The following KCNH5 variants were observed in gnomAD, a reference collection of about 807,000 sequenced individuals.
KCNH5 encodes the protein potassium voltage-gated channel subfamily H member 5.
In KCNH5, 46 loss-of-function variants were observed where a neutral mutation model predicts 96.1. The observed-to-expected ratio is 0.48, with a 90% CI of 0.38 to 0.61. KCNH5 has a LOEUF of 0.61. Ranked by LOEUF, KCNH5 falls within the 20% of genes least tolerant of loss-of-function variation. The pLI is 0.00. For missense variants in KCNH5, 907 were observed against 1,225.8 expected (o/e 0.74, Z 3.88); for synonymous variants, 439 against 449.8 (o/e 0.98, Z 0.30).
intron 8 of KCNH5, among the ~76,000 whole-genome samples, chr14:62,804,243 C>A (rs1482855109): frequency 6.6e-6 from 1 of 152,144 alleles, no homozygotes; most frequent in African/African-American, 2.4e-5. Context: ...GCAATCTGCT[C>A]ACCCACCTTT....
chr14:62,821,938 A>G (rs1887122989), intron 8 of KCNH5, among the ~76,000 whole-genome samples: 1 of 152,182 alleles, frequency 6.6e-6, no homozygotes, highest in Non-Finnish European at 1.5e-5. Flanking sequence ...ACCATAGACC[A>G]CAGCCTAATG....
intron 8 of KCNH5, among the ~76,000 whole-genome samples, chr14:62,819,544 T>C (rs778986238): frequency 6.6e-6 from 1 of 152,164 alleles, no homozygotes; most frequent in Non-Finnish European, 1.5e-5. Flanking sequence ...ATAGTGGTGA[T>C]TGTTGCATAA....
At chr14:62,710,426 T>C (rs869834) in intron 10 of KCNH5, among the ~76,000 whole-genome samples, 56,282 of 152,062 alleles carry the variant, frequency 0.37, 10,906 homozygotes, top group Non-Finnish European at 0.42. Context: ...ACAATTCTTA[T>C]GCTTCCCAAG....
chr14:62,803,186 A>G (rs1452438832), intron 8 of KCNH5, among the ~76,000 whole-genome samples: 1 of 152,092 alleles, frequency 6.6e-6, no homozygotes, highest in Non-Finnish European at 1.5e-5. Context: ...GTGGTCAAGA[A>G]GAGTCTCATA....
At chr14:62,934,415 T>C (rs1289546405) in intron 7 of KCNH5, among the ~76,000 whole-genome samples, 1 of 152,198 alleles carries the variant, frequency 6.6e-6, no homozygotes, top group Non-Finnish European at 1.5e-5. Context: ...CATAATCAAA[T>C]GCTGCCCATA....
chr14:62,714,250 T>C (rs1268568064), intron 10 of KCNH5, among the ~76,000 whole-genome samples: 2 of 152,152 alleles, frequency 1.3e-5, no homozygotes, highest in Admixed American at 1.3e-4. Flanking sequence ...GATCATGCCA[T>C]TGCATGTCAG....
rs149232542 is a variant in KCNH5, at chr14:62,842,731, G to A, written c.1569+6922C>T. Among the ~76,000 whole-genome samples the A allele has an allele frequency of 6.1e-4, 93 of 152,178 alleles. No individual in the cohort carries two copies. The East Asian group carries it at 0.016, about 26-fold the overall frequency. ...ACATTCTGAATCCTAATTTTTTAAG[G>A]TAGTATATGTTCTATCACCTTGGAA... is the stretch of plus-strand genomic sequence containing the variant. On this transcript the variant is annotated intron_variant, in intron 8 of 10. Coordinates refer to ENST00000322893, the MANE Select transcript of KCNH5 (RefSeq NM_139318.5).
intron 7 of KCNH5, among the ~76,000 whole-genome samples, chr14:62,865,365 G>A (rs17223580): frequency 0.11 from 16,166 of 151,122 alleles, 1,100 homozygotes; most frequent in East Asian, 0.28. Flanking sequence ...TATTCTTGCA[G>A]TTTTAGACAA....
At chr14:62,723,381 G>C (rs910837937) in intron 10 of KCNH5, among the ~76,000 whole-genome samples, 9 of 152,112 alleles carry the variant, frequency 5.9e-5, no homozygotes, top group Non-Finnish European at 1.3e-4. Flanking sequence ...GAAAGACTTA[G>C]AAATGTATAT....
chr14:62,924,294 C>A (rs1956024), intron 7 of KCNH5, among the ~76,000 whole-genome samples: 86,280 of 151,650 alleles, frequency 0.57, 25,236 homozygotes, highest in South Asian at 0.69. Context: ...TGATAGGATG[C>A]CTATTATCAA....
chr14:63,006,344 T>C (rs1297803090), intron 3 of KCNH5, 22 bp downstream of exon 3: 1 of 1,408,592 alleles, frequency 7.1e-7, no homozygotes, highest in Admixed American at 1.7e-5. Context: ...TGGCACATCT[T>C]ATTAATAATT....
chr14:62,828,294 C>T (rs1400388732), intron 8 of KCNH5, among the ~76,000 whole-genome samples: 1 of 151,958 alleles, frequency 6.6e-6, no homozygotes, highest in African/African-American at 2.4e-5. Flanking sequence ...ATTTTTATTA[C>T]CTGATTTCTT....
At chr14:62,992,881 T>C (rs1303352492) in intron 4 of KCNH5, among the ~76,000 whole-genome samples, 1 of 152,112 alleles carries the variant, frequency 6.6e-6, no homozygotes, top group Admixed American at 6.6e-5. Context: ...TGTCATGAAT[T>C]CTTTGCCTAC....
chr14:62,763,346 CA>C (rs533787941), intron 10 of KCNH5, among the ~76,000 whole-genome samples: 34 of 149,920 alleles, frequency 2.3e-4, no homozygotes, highest in African/African-American at 3.7e-4. Flanking sequence ...TTGAAAGTAA[CA>C]AAAAAAAAGA....
chr14:62,743,054 G>T (rs1056474405), intron 10 of KCNH5, among the ~76,000 whole-genome samples: 4 of 151,976 alleles, frequency 2.6e-5, no homozygotes, highest in Admixed American at 2.6e-4. Context: ...AGAGAAAATG[G>T]CTCAACTACA....
chr14:62,962,323 C>A (rs547248823), intron 6 of KCNH5, among the ~76,000 whole-genome samples: 1 of 152,254 alleles, frequency 6.6e-6, no homozygotes, highest in South Asian at 2.1e-4. Context: ...TTAATGCAGA[C>A]CCTAATCCAG....
chr14:62,717,639 A>G (rs1386943932), intron 10 of KCNH5, among the ~76,000 whole-genome samples: 1 of 152,198 alleles, frequency 6.6e-6, no homozygotes, highest in Non-Finnish European at 1.5e-5. Context: ...ACAAAATTAA[A>G]CTTATAATGG....
At chr14:62,771,359 G>A (rs1358498999) in intron 10 of KCNH5, among the ~76,000 whole-genome samples, 3 of 152,158 alleles carry the variant, frequency 2.0e-5, no homozygotes, top group Admixed American at 2.0e-4. Context: ...AGGCGCGGTG[G>A]CTCACACCTG....
intron 7 of KCNH5, among the ~76,000 whole-genome samples, chr14:62,921,149 A>G (rs1889373840): frequency 6.6e-6 from 1 of 152,090 alleles, no homozygotes; most frequent in Admixed American, 6.6e-5. Flanking sequence ...GGAAGCTGAC[A>G]TAAGTTCAGA....
Sources: gnomAD v4.1 joint callset for allele counts (sites outside exome capture counted in the v4.1 genomes callset) on GRCh38, gnomAD v4.1.1 for gene constraint, MANE v1.5 for transcripts, NCBI Gene and HGNC (gene_info 2026-07-23, HGNC 2026-07-21) for gene names.